GRAMD1C: variants seen among roughly 807,000 people sequenced by gnomAD.
GRAMD1C encodes protein Aster-C.
GRAMD1C carries 89 observed loss-of-function variants against 97.8 expected under a neutral mutation model. The ratio of observed to expected loss-of-function variants is 0.91; its 90% CI spans 0.77 to 1.09. The LOEUF (loss-of-function observed/expected upper bound fraction) is 1.09, where lower values mean the gene tolerates loss of function less well. GRAMD1C is among the 50% of genes least tolerant of loss of function. The pLI is 0.00. For missense variants in GRAMD1C, 740 were observed against 766.4 expected, an observed-to-expected ratio of 0.97 and a Z score of 0.41; for synonymous variants, 256 against 267.0, an observed-to-expected ratio of 0.96 and a Z score of 0.40.
At chr3:113,855,260 G>T (rs930675629) in intron 2 of GRAMD1C, among the ~76,000 whole-genome samples, 1 of 152,090 alleles carries the variant, frequency 6.6e-6, no homozygotes, top group African/African-American at 2.4e-5. Context: ...GTGGTGAGTC[G>T]AGATCATGCC....
chr3:113,909,492 A>G (rs769314081), intron 9 of GRAMD1C, among the ~76,000 whole-genome samples: 1 of 152,242 alleles, frequency 6.6e-6, no homozygotes, highest in African/African-American at 2.4e-5. Flanking sequence ...TAAGACCTAC[A>G]GGAGCTAAAT....
In GRAMD1C at chr3:113,852,361, T is replaced by C. The variant is rs538178166; in HGVS notation, c.174+7712T>C. Among the ~76,000 whole-genome samples, 10 of 152,310 alleles carry C rather than the reference T, an allele frequency of 6.6e-5. No individual in the cohort carries two copies. In the South Asian group the frequency reaches 1.7e-3, roughly 25 times the overall value. Reference sequence around the variant, plus strand: ...AAAAAAGAATAAACTCATTTTCTAATTTATGTTGGATTAAAAAAACATTTT... The same window carrying C: ...AAAAAAGAATAAACTCATTTTCTAACTTATGTTGGATTAAAAAAACATTTT... On this transcript the variant is annotated intron_variant, in intron 2 of 17. Coordinates refer to ENST00000358160, the MANE Select transcript of GRAMD1C (RefSeq NM_017577.5).
chr3:113,875,716 C>T (rs1339160315), intron 4 of GRAMD1C, 129 bp downstream of exon 4: 4 of 500,876 alleles, frequency 8.0e-6, no homozygotes, highest in African/African-American at 3.3e-5. Flanking sequence ...AATTAGTGTG[C>T]ATGTAAATAC....
At chr3:113,926,312 C>A (rs2107357859) in intron 10 of GRAMD1C, among the ~76,000 whole-genome samples, 1 of 152,204 alleles carries the variant, frequency 6.6e-6, no homozygotes, top group African/African-American at 2.4e-5. Flanking sequence ...AGATTCTTTT[C>A]TCAGCTTGGT....
intron 6 of GRAMD1C, chr3:113,890,836 G>A: frequency 4.6e-6 from 3 of 657,212 alleles, no homozygotes; most frequent in East Asian, 2.8e-5. Flanking sequence ...ATGAGCCAAG[G>A]GAGAAACTAA....
Position 113,918,896 on chromosome 3 carries a change from A to G in GRAMD1C, c.1090+3058A>G, listed in dbSNP as rs371617826. On this transcript the variant is annotated intron_variant, in intron 10 of 17. Transcript: ENST00000358160. ...TTTTTATAGAGACAAGTGTCTCCCT[A>G]TGTTGCCCAGGCTGGTCTTACACTC... Among the ~76,000 whole-genome samples, 11 of 152,088 alleles carry G rather than the reference A, an allele frequency of 7.2e-5. No individual in the cohort carries two copies. In the East Asian group the frequency reaches 1.7e-3, roughly 24 times the overall value.
chr3:113,944,631 T>C (rs1292527380), intron 17 of GRAMD1C, among the ~76,000 whole-genome samples: 1 of 152,190 alleles, frequency 6.6e-6, no homozygotes, highest in Non-Finnish European at 1.5e-5. Flanking sequence ...TAATAAAATA[T>C]CTAAGTATAT....
intron 1 of GRAMD1C, among the ~76,000 whole-genome samples, chr3:113,828,891 TCA>T (rs1577104915): frequency 1.3e-5 from 2 of 152,176 alleles, no homozygotes; most frequent in African/African-American, 2.4e-5. Context: ...GTCCACAATC[TCA>T]GTTTCAAGTA....
chr3:113,926,351 T>G (rs1183209480), intron 10 of GRAMD1C, among the ~76,000 whole-genome samples: 1 of 152,206 alleles, frequency 6.6e-6, no homozygotes, highest in Non-Finnish European at 1.5e-5. Context: ...TTGCAATTTG[T>G]ATTATGAAAT....
chr3:113,841,076 C>T (rs377530873), intron 1 of GRAMD1C, among the ~76,000 whole-genome samples: 6 of 152,116 alleles, frequency 3.9e-5, no homozygotes, highest in South Asian at 2.1e-4. Flanking sequence ...TCTATCACAG[C>T]AAAATATTTA....
At chr3:113,893,907 G>T (rs143693326) in intron 6 of GRAMD1C, among the ~76,000 whole-genome samples, 2,074 of 152,286 alleles carry the variant, frequency 0.014, 38 homozygotes, top group African/African-American at 0.047. Flanking sequence ...CAAGGAAAAG[G>T]CAAAGGATGG....
At chr3:113,926,584 C>A (rs1219652992) in intron 10 of GRAMD1C, among the ~76,000 whole-genome samples, 1 of 152,158 alleles carries the variant, frequency 6.6e-6, no homozygotes, top group Non-Finnish European at 1.5e-5. Context: ...GAAGACACTC[C>A]AACTTTTTGA....
chr3:113,842,245 G>A (rs1241602620), intron 1 of GRAMD1C, among the ~76,000 whole-genome samples: 1 of 152,122 alleles, frequency 6.6e-6, no homozygotes. Flanking sequence ...AATTTAGTGG[G>A]AACTCTAGGT....
intron 10 of GRAMD1C, among the ~76,000 whole-genome samples, chr3:113,923,180 C>A (rs1937119879): frequency 6.6e-6 from 1 of 152,060 alleles, no homozygotes; most frequent in Non-Finnish European, 1.5e-5. Context: ...TTTGGGCACA[C>A]TATGGGGTTT....
At chr3:113,902,680 TCTGTCACC>T (rs1936220506) in intron 7 of GRAMD1C, among the ~76,000 whole-genome samples, 1 of 152,214 alleles carries the variant, frequency 6.6e-6, no homozygotes, top group Admixed American at 6.5e-5. Flanking sequence ...TGAGTCTCAC[TCTGTCACC>T]CAGGCTGGAG....
chr3:113,924,060 G>C (rs1475823737), intron 10 of GRAMD1C, among the ~76,000 whole-genome samples: 1 of 143,444 alleles, frequency 7.0e-6, no homozygotes, highest in Non-Finnish European at 1.5e-5. Flanking sequence ...TCTAGTTTTT[G>C]TGCATAGAGG....
At chr3:113,872,401 T>TCC (rs1934857642) in intron 3 of GRAMD1C, among the ~76,000 whole-genome samples, 1 of 136,032 alleles carries the variant, frequency 7.4e-6, no homozygotes, top group South Asian at 2.3e-4. Flanking sequence ...CTTTTTTTTT[T>TCC]TTTTTTTTTT....
intron 5 of GRAMD1C, among the ~76,000 whole-genome samples, chr3:113,877,090 T>A (rs1490080049): frequency 6.6e-6 from 1 of 152,178 alleles, no homozygotes; most frequent in Non-Finnish European, 1.5e-5. Flanking sequence ...CATGCGATCC[T>A]CCAACCTTAG....
chr3:113,898,375 A>G (rs1936017806), intron 6 of GRAMD1C, among the ~76,000 whole-genome samples: 1 of 152,142 alleles, frequency 6.6e-6, no homozygotes, highest in South Asian at 2.1e-4. Flanking sequence ...TTCTCATTAT[A>G]AAGTTAACCA....
Sources: allele counts gnomAD v4.1 joint callset (sites outside exome capture counted in the v4.1 genomes callset), GRCh38; gene constraint gnomAD v4.1.1; transcripts MANE v1.5; gene names NCBI Gene and HGNC (gene_info 2026-07-23, HGNC 2026-07-21).